Variants in GATA5 observed in about 807,000 individuals in gnomAD.
The protein encoded by GATA5 is GATA binding protein 5.
In GATA5, 27 loss-of-function variants were observed where a neutral mutation model predicts 35.0. The ratio of observed to expected loss-of-function variants is 0.77; its 90% confidence interval spans 0.57 to 1.06. The LOEUF (loss-of-function observed/expected upper bound fraction) is 1.06, where lower values mean the gene tolerates loss of function less well. Ranked by LOEUF, GATA5 falls within the 50% of genes least tolerant of loss-of-function variation. The pLI, the probability that GATA5 is intolerant of heterozygous loss-of-function variation, is 0.00. For missense variants in GATA5, 612 were observed against 580.0 expected (o/e 1.06, Z -0.57); for synonymous variants, 306 against 267.8 (o/e 1.14, Z -1.39).
chr20:62,466,571 T>C lies in GATA5; in HGVS notation c.700-20A>G. On this transcript the variant is annotated intron_variant, in intron 3 of 6. Coordinates refer to ENST00000252997, the MANE Select transcript of GATA5 (RefSeq NM_080473.5). ...CGAGGACTGTGGGGGCGAGGGAGAC[T>C]GGAGTGAGCCCCGGGCCGGGTGCGC... 6.5e-7 allele frequency: 1 copy of C among 1,541,000 alleles called. No individual in the cohort carries two copies. The highest frequency in any genetic ancestry group is 8.7e-7 in the Non-Finnish European group (1 of 1,143,256).
chr20:62,465,029 C>T (rs782139723), intron 6 of GATA5, 38 bp from the exon 7 acceptor site: 28 of 156,514 alleles, frequency 1.8e-4, no homozygotes, highest in Middle Eastern at 2.0e-3. Flanking sequence ...TGGGGTGGGG[C>T]GTGGGGCGTG....
intron 3 of GATA5, among the ~76,000 whole-genome samples, chr20:62,471,432 A>ATTTTTTTTTTTTT (rs574764628): frequency 0.015 from 1,231 of 81,608 alleles, 250 homozygotes; most frequent in African/African-American, 0.032. Context: ...TTCAATTACA[A>ATTTTTTTTTTTTT]TTTTTTTTTT....
At chr20:62,465,551 G>A (rs937368963) in intron 5 of GATA5, 87 bp from the exon 6 acceptor site, 17 of 1,503,766 alleles carry the variant, frequency 1.1e-5, no homozygotes, top group African/African-American at 1.1e-4. Flanking sequence ...CTCTGGCCCC[G>A]GCCCAGAGAG....
Position 62,473,553 on chromosome 20 carries a change from C to T in GATA5, c.549G>A (p.Pro183=), listed in dbSNP as rs375857054. ...TFVSDFLEEF[P]GEGRECVNCG... is the part of the protein sequence containing the mutation. ...AGTTGACACACTCACGACCCTCACC[C>T]GGGAACTCCTCCAAGAAGTCGGACA... is the stretch of plus-strand genomic sequence containing the variant. Residue 183 remains proline, a synonymous_variant, in exon 3 of 7, where the codon CCG becomes CCA. Transcript: ENST00000252997. 6.9e-6 allele frequency: 11 copies of T among 1,601,718 alleles called. No homozygotes were observed. In the African/African-American group the frequency reaches 8.0e-5, roughly 12 times the overall value.
rs1555896114 is a variant in GATA5 at position 62,466,526 on chromosome 20, C to T, written c.725G>A (p.Cys242Tyr). ...GTTGGTCGTGTGGCAGTTGGTGCAG[C>T]AGAGGCCGGCGCGGCGGGACGAGGA... ...RLSSSRRAGL[C>Y]CTNCHTTNTT... The change falls in exon 4 of 7, where the codon TGC (cysteine) becomes TAC (tyrosine). Residue 242 changes from cysteine to tyrosine, a missense_variant. Physicochemically the swap from Cys to Tyr is radical, Grantham distance 194 (BLOSUM62 -2). Transcript: ENST00000252997. 7.1e-6 allele frequency: 11 copies of T among 1,558,806 alleles called. No individual in the cohort carries two copies. In the East Asian group the frequency reaches 2.6e-4, roughly 37 times the overall value.
Position 62,466,492 on chromosome 20 carries a change from C to T in GATA5, c.759G>A (p.Leu253=), listed in dbSNP as rs372280962. 141 of 1,573,052 alleles carry T rather than the reference C, an allele frequency of 9.0e-5. No individual in the cohort carries two copies. The African/African-American group carries it at 1.8e-3, about 20-fold the overall frequency. Residue 253 remains leucine (L), a synonymous_variant, in exon 4 of 7, where the codon CTG becomes CTA. Coordinates refer to ENST00000252997, the MANE Select transcript of GATA5 (RefSeq NM_080473.5). ...CTNCHTTNTT[L]WRRNSEGEPV... ...GCTCCCCCTCCGAGTTCCGCCGCCA[C>T]AGCGTGGTGTTGGTCGTGTGGCAGT... is the stretch of plus-strand genomic sequence containing the variant.
At chr20:62,471,432 A>ATATTTTTTTTT (rs1555896518) in intron 3 of GATA5, among the ~76,000 whole-genome samples, 3 of 81,746 alleles carry the variant, frequency 3.7e-5, no homozygotes, top group African/African-American at 9.8e-5. Context: ...TTCAATTACA[A>ATATTTTTTTTT]TTTTTTTTTT....
rs1487468609 is a variant in GATA5, at chr20:62,470,905, C to T, written c.699+2498G>A. ...CTCCCCCAGGAGGCACCCCAAAGCC[C>T]ACCCTGTCTACCCCAGACCAGGGAA... On this transcript the variant is annotated intron_variant, in intron 3 of 6. Transcript: ENST00000252997. This position sits in a 1 kb window ranked among gnomAD's most constrained non-coding sequence, Gnocchi z 4.6. Among the ~76,000 whole-genome samples the T allele has an allele frequency of 6.6e-6, 1 of 152,192 alleles. No individual in the cohort carries two copies. The highest frequency in any genetic ancestry group is 2.4e-5 in the African/African-American group (1 of 41,436).
chr20:62,466,306 C>A, intron 4 of GATA5, 120 bp downstream of exon 4: 2 of 1,192,320 alleles, frequency 1.7e-6, no homozygotes, highest in Non-Finnish European at 2.3e-6. Flanking sequence ...TGTACAACAG[C>A]CCAGGGGACA....
intron 6 of GATA5, 145 bp from the exon 7 acceptor site, chr20:62,465,136 C>G: frequency 1.1e-6 from 1 of 897,560 alleles, no homozygotes. Context: ...GCATGGGGGA[C>G]CCCACGTGAG....
In GATA5 at chr20:62,473,298, C is replaced by A. The variant is rs1298010617; in HGVS notation, c.699+105G>T. On this transcript the variant is annotated intron_variant, in intron 3 of 6. Coordinates refer to ENST00000252997, the MANE Select transcript of GATA5 (RefSeq NM_080473.5). ...GCACCCAGGCTGTTTTTGGGACACTCCCTACCCCCTACCCCAGGGGCTCTG... is the reference window on the plus strand; with the variant it reads ...GCACCCAGGCTGTTTTTGGGACACTACCTACCCCCTACCCCAGGGGCTCTG... The A allele has an allele frequency of 1.8e-5, 24 of 1,335,448 alleles. 1 individual carries two copies. The highest frequency in any genetic ancestry group is 1.2e-4 in the African/African-American group (8 of 68,382). 82.7% of individuals were successfully genotyped at this position (1,335,448 alleles called of 1,614,324 possible).
chr20:62,465,357 G>T lies in GATA5; in HGVS notation c.1021C>A (p.Pro341Thr). The T allele has an allele frequency of 1.9e-6, 3 of 1,600,612 alleles. No homozygotes were observed. Among genetic ancestry groups the T allele is most frequent in the Non-Finnish European group, 2.5e-6 (3 of 1,179,144 alleles). The change falls in exon 6 of 7, where the codon CCC (proline) becomes ACC (threonine). Residue 341 changes from proline (P) to threonine (T), a missense_variant. Pro to Thr is a conservative substitution (Grantham distance 38). Transcript: ENST00000252997. ...PSLASPVCPGPSMAPQASGQE... is the reference protein window; with the variant it reads ...PSLASPVCPGTSMAPQASGQE... The stretch of plus-strand genomic sequence containing the variant: ...CCCCTTACCTGGGGGGCCATGCTGG[G>T]CCCAGGGCACACTGGGGACGCCAGG...
intron 3 of GATA5, among the ~76,000 whole-genome samples, chr20:62,468,215 G>T (rs562672229): frequency 6.6e-6 from 1 of 151,572 alleles, no homozygotes; most frequent in Non-Finnish European, 1.5e-5. Flanking sequence ...GCCAGCCTCG[G>T]CTTCCCCGTC....
In GATA5 at chr20:62,473,421, A is replaced by G. The variant is rs782322254; in HGVS notation, c.681T>C (p.Val227=). The change falls in exon 3 of 7, where the codon GTT becomes GTC. Residue 227 remains valine, a synonymous_variant. Transcript: ENST00000252997. ...AACTCACCAGGCGCTTCTGAGGCCG[A>G]ACGAGCGGCCGGTTGACGCCATTCA... ...HKMNGVNRPL[V]RPQKRLSSSR... The G allele has an allele frequency of 6.2e-7, 1 of 1,608,586 alleles. No individual in the cohort carries two copies. Among genetic ancestry groups the G allele is most frequent in the Non-Finnish European group, 8.5e-7 (1 of 1,178,144 alleles).
rs535631350 is a variant in GATA5, at chr20:62,474,910, G to C, written c.523+89C>G. The C allele has an allele frequency of 2.3e-3, 2,594 of 1,126,658 alleles. 7 individuals carry two copies. Among genetic ancestry groups the C allele is most frequent in the Non-Finnish European group, 2.7e-3 (2,369 of 885,784 alleles). 69.8% of individuals were successfully genotyped at this position (1,126,658 alleles called of 1,614,324 possible). Reference sequence around the variant, plus strand: ...TGGCAGGGAGGCTCGGACCGTGGGGGAGGATGAGGGGAGCGTTTCGCAGGG... The same window carrying C: ...TGGCAGGGAGGCTCGGACCGTGGGGCAGGATGAGGGGAGCGTTTCGCAGGG... On this transcript the variant is annotated intron_variant, in intron 2 of 6. Coordinates refer to ENST00000252997, the MANE Select transcript of GATA5 (RefSeq NM_080473.5).
chr20:62,475,111 C>T lies in GATA5; in HGVS notation c.411G>A (p.Ser137=). 1 of 1,391,156 alleles carries T rather than the reference C, an allele frequency of 7.2e-7. No homozygotes were observed. The highest frequency in any genetic ancestry group is 9.4e-7 in the Non-Finnish European group (1 of 1,069,050). The allele number at this position is 1,391,156 out of a possible 1,614,324, so 86.2% of individuals were successfully genotyped here. ...CGTAGGCCGGGTAGGTGGCGGAGTA[C>T]GAGGTCCCCACCGGCCGCCCAAGCG... The part of the protein sequence containing the change: ...AAPLGRPVGT[S]YSATYPAYVS... Residue 137 remains serine (S), a synonymous_variant, in exon 2 of 7, where the codon TCG becomes TCA. Coordinates refer to ENST00000252997, the MANE Select transcript of GATA5 (RefSeq NM_080473.5).
At chr20:62,469,602 G>T (rs1280448939) in intron 3 of GATA5, among the ~76,000 whole-genome samples, 2 of 152,264 alleles carry the variant, frequency 1.3e-5, no homozygotes, top group Non-Finnish European at 2.9e-5. Flanking sequence ...GGTTGGGACA[G>T]CCCCCAGCAG....
rs550087773 is a variant in GATA5 at position 62,464,729 on chromosome 20, T to C, written c.*107A>G. On this transcript the variant is annotated 3_prime_UTR_variant, in exon 7 of 7. Transcript: ENST00000252997. ...GACTCCAGCAGACCCAGTCTCTGGG[T>C]TGGGGGGCCTGCTGGTCTCTGCTGT... 4.3e-4 allele frequency: 420 copies of C among 980,492 alleles called. No individual in the cohort carries two copies. The African/African-American group carries it at 6.1e-3, about 14-fold the overall frequency. 60.7% of individuals were successfully genotyped at this position (980,492 alleles called of 1,614,324 possible). A position where few individuals can be genotyped will look rare whatever the true frequency, so the allele number is the denominator to read the frequency against.
In GATA5 at chr20:62,470,053, G is replaced by A. The variant is rs997954994; in HGVS notation, c.699+3350C>T. Among the ~76,000 whole-genome samples the A allele has an allele frequency of 2.6e-5, 4 of 152,222 alleles. No individual in the cohort carries two copies. The highest frequency in any genetic ancestry group is 6.5e-5 in the Admixed American group (1 of 15,292). On this transcript the variant is annotated intron_variant, in intron 3 of 6. Transcript: ENST00000252997. The surrounding 1 kb of genome is among the most constrained non-coding windows in gnomAD (Gnocchi z 4.6). Reference sequence around the variant, plus strand: ...CAGGCCTCTCTCCCGGCTGCATTTCGTTTTTCTTTTTTGTCGGTTCTTTTC... The same window carrying A: ...CAGGCCTCTCTCCCGGCTGCATTTCATTTTTCTTTTTTGTCGGTTCTTTTC...
Sources: gnomAD v4.1 joint callset for allele counts (sites outside exome capture counted in the v4.1 genomes callset) on GRCh38, gnomAD v4.1.1 for gene constraint, Gnocchi (gnomAD v3.1) non-coding constraint, MANE v1.5 for transcripts, NCBI Gene and HGNC (gene_info 2026-07-23, HGNC 2026-07-21) for gene names.